Variants in ASPA observed in about 807,000 individuals in gnomAD.
ASPA encodes the protein ACY-2.
ASPA carries 25 observed loss-of-function variants against 29.6 expected under a neutral mutation model. That is an observed-to-expected ratio of 0.85 (90% CI 0.62 to 1.18). The LOEUF is 1.18. Ranked by LOEUF, ASPA falls within the 50% of genes most tolerant of loss-of-function variation. The pLI is 0.00. For synonymous variants in ASPA, 131 were observed against 130.3 expected (o/e 1.01, Z -0.04); for missense variants, 333 against 385.7 (o/e 0.86, Z 1.14).
rs769255741 is a variant in ASPA, at chr17:3,499,334, G to A, written c.*246G>A. 16 of 333,254 alleles carry A rather than the reference G, an allele frequency of 4.8e-5. No individual in the cohort carries two copies. Among genetic ancestry groups the A allele is most frequent in the Non-Finnish European group, 8.0e-5 (15 of 186,518 alleles). 20.6% of individuals were successfully genotyped at this position (333,254 alleles called of 1,614,324 possible). A position where few individuals can be genotyped will look rare whatever the true frequency, so the allele number is the denominator to read the frequency against. On this transcript the variant is annotated 3_prime_UTR_variant, in exon 6 of 6. Coordinates refer to ENST00000263080, the MANE Select transcript of ASPA (RefSeq NM_000049.4). ...ATATAGTTTATTATACATGATACTTGGGTAGCTCAACATTCTTAATAAACA... is the reference window on the plus strand; with the variant it reads ...ATATAGTTTATTATACATGATACTTAGGTAGCTCAACATTCTTAATAAACA...
intron 1 of ASPA, among the ~76,000 whole-genome samples, chr17:3,479,290 CTGGG>C (rs2073586136): frequency 6.6e-6 from 1 of 152,142 alleles, no homozygotes; most frequent in Admixed American, 6.5e-5. Flanking sequence ...CTCTGAGCAA[CTGGG>C]TAGATACTAG....
chr17:3,489,194 C>T, intron 3 of ASPA, 41 bp from the exon 4 acceptor site: 1 of 1,181,668 alleles, frequency 8.5e-7, no homozygotes, highest in Non-Finnish European at 1.3e-6. Flanking sequence ...AATATATTTT[C>T]ATACTTATAT....
intron 2 of ASPA, among the ~76,000 whole-genome samples, chr17:3,482,877 T>G (rs2150747902): frequency 6.6e-6 from 1 of 151,660 alleles, no homozygotes; most frequent in East Asian, 1.9e-4. Flanking sequence ...GCCATGTTGG[T>G]GTGCCGCACC....
chr17:3,496,158 C>T (rs979493100), intron 5 of ASPA, among the ~76,000 whole-genome samples: 1 of 152,118 alleles, frequency 6.6e-6, no homozygotes, highest in Non-Finnish European at 1.5e-5. Context: ...CAGTATTCTA[C>T]AGGAGGGATT....
intron 3 of ASPA, among the ~76,000 whole-genome samples, chr17:3,484,312 G>A (rs1250432062): frequency 6.6e-6 from 1 of 152,194 alleles, no homozygotes; most frequent in Non-Finnish European, 1.5e-5. Context: ...ACAGAACAAT[G>A]AGCAAGACAC....
Position 3,487,034 on chromosome 17 carries a change from C to T in ASPA, c.527-2201C>T, listed in dbSNP as rs903798524. The stretch of plus-strand genomic sequence containing the variant: ...GAGAGGGCTGTGTCCAGTCGCTTTC[C>T]CATATTTGTGTGTGTGTGTGTGTTT... On this transcript the variant is annotated intron_variant, in intron 3 of 5. Coordinates refer to ENST00000263080, the MANE Select transcript of ASPA (RefSeq NM_000049.4). Among the ~76,000 whole-genome samples the T allele has an allele frequency of 6.0e-5, 9 of 150,632 alleles. 1 individual carries two copies. In the South Asian group the frequency reaches 1.9e-3, roughly 32 times the overall value.
intron 5 of ASPA, among the ~76,000 whole-genome samples, chr17:3,497,401 G>A (rs2073927522): frequency 6.6e-6 from 1 of 152,196 alleles, no homozygotes; most frequent in Non-Finnish European, 1.5e-5. Context: ...GGGATTCGAG[G>A]AGGTGGCTGA....
intron 4 of ASPA, among the ~76,000 whole-genome samples, chr17:3,491,978 A>G (rs1031343440): frequency 1.3e-5 from 2 of 149,470 alleles, no homozygotes; most frequent in African/African-American, 2.5e-5. Flanking sequence ...CCTGGGCTCA[A>G]GCAATCCTCC....
chr17:3,496,910 C>CA (rs1171629462), intron 5 of ASPA, among the ~76,000 whole-genome samples: 5 of 152,036 alleles, frequency 3.3e-5, no homozygotes, highest in African/African-American at 9.7e-5. Context: ...ACCAAAAATA[C>CA]AAAAAATTAG....
intron 5 of ASPA, 136 bp from the exon 6 acceptor site, chr17:3,498,755 G>A (rs145748935): frequency 1.8e-5 from 15 of 827,694 alleles, no homozygotes; most frequent in Non-Finnish European, 2.3e-5. Flanking sequence ...TCACTTGCCT[G>A]CATCTCAATG....
intron 4 of ASPA, among the ~76,000 whole-genome samples, chr17:3,493,236 C>G (rs993707474): frequency 6.6e-6 from 1 of 152,162 alleles, no homozygotes; most frequent in Non-Finnish European, 1.5e-5. Flanking sequence ...GATCTCATTA[C>G]TCAGGAGCTG....
Position 3,483,827 on chromosome 17 carries a change from T to C in ASPA, c.526+235T>C, listed in dbSNP as rs532771132. Among the ~76,000 whole-genome samples the C allele has an allele frequency of 8.6e-5, 13 of 151,992 alleles. No individual in the cohort carries two copies. The South Asian group carries it at 1.7e-3, about 19-fold the overall frequency. The stretch of plus-strand genomic sequence containing the variant: ...ACAGGCATGTGCCACCCTGTAATTT[T>C]TGTATTTTTAGTACAGACGGAGTTT... On this transcript the variant is annotated intron_variant, in intron 3 of 5. Coordinates refer to ENST00000263080, the MANE Select transcript of ASPA (RefSeq NM_000049.4).
Position 3,500,207 on chromosome 17 carries a change from A to G in ASPA, c.*1119A>G, listed in dbSNP as rs759369512. On this transcript the variant is annotated 3_prime_UTR_variant, in exon 6 of 6. Transcript: ENST00000263080. ...AGGAAAGAAGACAGCTCTAAAACCT[A>G]CAAGTGGAAAGCGAACCAGCAAGTT... 2 of 152,264 alleles carry G rather than the reference A, an allele frequency of 1.3e-5. No homozygotes were observed. Among genetic ancestry groups the G allele is most frequent in the African/African-American group, 2.4e-5 (1 of 41,466 alleles). The allele number at this position is 152,264 out of a possible 1,614,324, so 9.4% of individuals were successfully genotyped here.
chr17:3,489,585 C>G (rs183133374), intron 4 of ASPA, among the ~76,000 whole-genome samples: 47 of 152,220 alleles, frequency 3.1e-4, no homozygotes, highest in African/African-American at 1.1e-3. Context: ...CGAGAAAATA[C>G]AAATGCCCAG....
Position 3,490,682 on chromosome 17 carries a change from T to C in ASPA, c.634+1340T>C, listed in dbSNP as rs566902023. Reference sequence around the variant, plus strand: ...TCTAATGGAACTGGTTTTGAGAAGATCACAACATACTTACAATAAACCCTC... The same window carrying C: ...TCTAATGGAACTGGTTTTGAGAAGACCACAACATACTTACAATAAACCCTC... On this transcript the variant is annotated intron_variant, in intron 4 of 5. Coordinates refer to ENST00000263080, the MANE Select transcript of ASPA (RefSeq NM_000049.4). The surrounding 1 kb of genome is among the most constrained non-coding windows in gnomAD (Gnocchi z 4.6). Among the ~76,000 whole-genome samples, 5 of 152,198 alleles carry C rather than the reference T, an allele frequency of 3.3e-5. No homozygotes were observed. The highest frequency in any genetic ancestry group is 4.1e-4 in the South Asian group (2 of 4,834).
At chr17:3,497,240 T>C (rs1422216564) in intron 5 of ASPA, among the ~76,000 whole-genome samples, 1 of 152,140 alleles carries the variant, frequency 6.6e-6, no homozygotes, top group Admixed American at 6.5e-5. Context: ...AGACGTGTGT[T>C]GAAGAGGTTC....
At position 3,499,210 on chromosome 17, in the gene ASPA, C is replaced by T. The variant is rs2073961283; in HGVS notation, c.*122C>T. On this transcript the variant is annotated 3_prime_UTR_variant, in exon 6 of 6. Transcript: ENST00000263080. ...ATAGCTCCTAGCACAGTGCCTTATT[C>T]GGTAGGCATCTAAGCACATTTCTTA... 15 of 930,926 alleles carry T rather than the reference C, an allele frequency of 1.6e-5. No individual in the cohort carries two copies. Among genetic ancestry groups the T allele is most frequent in the South Asian group, 1.9e-5 (1 of 52,430 alleles). 57.7% of individuals were successfully genotyped at this position (930,926 alleles called of 1,614,324 possible). A position where few individuals can be genotyped will look rare whatever the true frequency, so the allele number is the denominator to read the frequency against.
chr17:3,479,534 T>A (rs2073591437), intron 1 of ASPA, among the ~76,000 whole-genome samples: 1 of 152,176 alleles, frequency 6.6e-6, no homozygotes, highest in Non-Finnish European at 1.5e-5. Context: ...CATGATATCA[T>A]CAATGCCACA....
rs1567620286 is a variant in ASPA, at chr17:3,499,260, TATC to T, written c.*175_*177del. 4 of 548,936 alleles carry T rather than the reference TATC, an allele frequency of 7.3e-6. No individual in the cohort carries two copies. The highest frequency in any genetic ancestry group is 3.8e-5 in the African/African-American group (2 of 53,016). The allele number at this position is 548,936 out of a possible 1,614,324, so 34.0% of individuals were successfully genotyped here. A position where few individuals can be genotyped will look rare whatever the true frequency, so the allele number is the denominator to read the frequency against. ...AAATTAATTAATATATCTTTAAAGA[TATC>T]ATATTTTATGTATGTAGCTTATTCA... On this transcript the variant is annotated 3_prime_UTR_variant, in exon 6 of 6. Transcript: ENST00000263080.
Sources: allele counts gnomAD v4.1 joint callset (sites outside exome capture counted in the v4.1 genomes callset), GRCh38; gene constraint gnomAD v4.1.1; non-coding constraint Gnocchi (gnomAD v3.1); transcripts MANE v1.5; gene names NCBI Gene and HGNC (gene_info 2026-07-23, HGNC 2026-07-21).